Variants in EEFSEC observed in about 807,000 individuals in gnomAD.
EEFSEC encodes the protein eukaryotic elongation factor, selenocysteine-tRNA specific.
EEFSEC carries 43 observed loss-of-function variants against 42.1 expected under a neutral mutation model. The ratio of observed to expected loss-of-function variants is 1.02; its 90% CI spans 0.80 to 1.32. The LOEUF (loss-of-function observed/expected upper bound fraction) is 1.32, where lower values mean the gene tolerates loss of function less well. Ranked by LOEUF, EEFSEC falls within the 40% of genes most tolerant of loss-of-function variation. EEFSEC has a pLI of 0.00. For synonymous variants in EEFSEC, 354 were observed against 339.1 expected (o/e 1.04, Z -0.48); for missense variants, 745 against 803.6 (o/e 0.93, Z 0.88).
intron 4 of EEFSEC, among the ~76,000 whole-genome samples, chr3:128,308,317 G>A (rs1014720078): frequency 1.3e-5 from 2 of 152,258 alleles, no homozygotes; most frequent in Admixed American, 1.3e-4. Context: ...CTTGGTGCCA[G>A]CTTAGTGTGT....
chr3:128,169,246 G>C (rs2065270563), intron 1 of EEFSEC, among the ~76,000 whole-genome samples: 1 of 152,204 alleles, frequency 6.6e-6, no homozygotes, highest in African/African-American at 2.4e-5. Context: ...CCCGTCCCTG[G>C]AATGTTGGGA....
intron 4 of EEFSEC, among the ~76,000 whole-genome samples, chr3:128,323,976 C>G (rs1576637472): frequency 6.6e-6 from 1 of 152,126 alleles, no homozygotes; most frequent in East Asian, 1.9e-4. Flanking sequence ...AGAAACCAGA[C>G]CGTTGAAGGG....
At chr3:128,261,433 A>G (rs1274205950) in intron 2 of EEFSEC, among the ~76,000 whole-genome samples, 3 of 152,166 alleles carry the variant, frequency 2.0e-5, no homozygotes, top group Admixed American at 6.5e-5. Flanking sequence ...ATGAAATCGT[A>G]TACATACTAT....
intron 6 of EEFSEC, among the ~76,000 whole-genome samples, chr3:128,372,922 C>T (rs2067670673): frequency 6.6e-6 from 1 of 152,242 alleles, no homozygotes; most frequent in Admixed American, 6.5e-5. Flanking sequence ...GCCACTGCTG[C>T]TGTAGATGTC....
intron 1 of EEFSEC, among the ~76,000 whole-genome samples, chr3:128,171,391 C>CCTA (rs2065295100): frequency 6.6e-6 from 1 of 151,828 alleles, no homozygotes; most frequent in Admixed American, 6.6e-5. Context: ...CAGGCTTGTA[C>CCTA]CTACAATGGC....
the EEFSEC span, among the ~76,000 whole-genome samples, chr3:128,425,428 A>C: frequency 1.3e-5 from 2 of 152,022 alleles, no homozygotes; most frequent in African/African-American, 4.8e-5. Flanking sequence ...GGCTGCTTCC[A>C]GTTTGGGGTG....
At chr3:128,352,572 G>A (rs1176850030) in intron 5 of EEFSEC, among the ~76,000 whole-genome samples, 1 of 152,222 alleles carries the variant, frequency 6.6e-6, no homozygotes, top group Non-Finnish European at 1.5e-5. Flanking sequence ...GTCTCTTAGA[G>A]GGGGCCTTCC....
chr3:128,390,600 G>A (rs925564714), intron 6 of EEFSEC, among the ~76,000 whole-genome samples: 5 of 152,216 alleles, frequency 3.3e-5, no homozygotes, highest in Admixed American at 1.3e-4. Flanking sequence ...AGTGGGCCCT[G>A]CAGGCCTGGG....
At chr3:128,404,265 C>T (rs776414579) in intron 6 of EEFSEC, among the ~76,000 whole-genome samples, 3 of 152,220 alleles carry the variant, frequency 2.0e-5, no homozygotes, top group East Asian at 1.9e-4. Flanking sequence ...TGTGGCTTCC[C>T]GGCCAGTCCA....
intron 1 of EEFSEC, among the ~76,000 whole-genome samples, chr3:128,202,607 T>C (rs2065654539): frequency 6.6e-6 from 1 of 152,228 alleles, no homozygotes; most frequent in Non-Finnish European, 1.5e-5. Flanking sequence ...GTTTTACTTC[T>C]TTGTTTCTAC....
chr3:128,155,101 G>GT (rs1944352951), intron 1 of EEFSEC, among the ~76,000 whole-genome samples: 1 of 151,862 alleles, frequency 6.6e-6, no homozygotes, highest in African/African-American at 2.4e-5. Context: ...GAAAAGACCC[G>GT]TTTTTTGTTT....
At chr3:128,191,501 T>A (rs1037110952) in intron 1 of EEFSEC, among the ~76,000 whole-genome samples, 1 of 152,166 alleles carries the variant, frequency 6.6e-6, no homozygotes, top group South Asian at 2.1e-4. Flanking sequence ...TTCCCATTTT[T>A]AAATGTACAA....
intron 1 of EEFSEC, among the ~76,000 whole-genome samples, chr3:128,195,773 G>A (rs573700437): frequency 5.8e-4 from 89 of 152,304 alleles, no homozygotes; most frequent in Non-Finnish European, 3.7e-4. Flanking sequence ...TAGAGACAAG[G>A]GATTTGTCCC....
At position 128,153,573 on chromosome 3, in the gene EEFSEC, G is replaced by T. The variant is rs1576499628; in HGVS notation, c.66G>T (p.Ala22=). Reference sequence around the variant, plus strand: ...GCCACATCGACAGCGGCAAGACGGCGCTGGCGCGGGCGCTAAGCACCACAG... The same window carrying T: ...GCCACATCGACAGCGGCAAGACGGCTCTGGCGCGGGCGCTAAGCACCACAG... ...VLGHIDSGKT[A]LARALSTTAS... The change falls in exon 1 of 7, where the codon GCG becomes GCT. Residue 22 remains alanine (A), a synonymous_variant. Coordinates refer to ENST00000254730, the MANE Select transcript of EEFSEC (RefSeq NM_021937.5). 1.9e-6 allele frequency: 3 copies of T among 1,548,324 alleles called. No individual in the cohort carries two copies. The highest frequency in any genetic ancestry group is 1.7e-6 in the Non-Finnish European group (2 of 1,154,508).
intron 4 of EEFSEC, among the ~76,000 whole-genome samples, chr3:128,287,557 GT>G (rs1191788971): frequency 6.6e-6 from 1 of 152,218 alleles, no homozygotes; most frequent in Non-Finnish European, 1.5e-5. Flanking sequence ...GAATGAGGTG[GT>G]GATGTGATGA....
At chr3:128,360,959 A>T (rs1239317167) in intron 6 of EEFSEC, among the ~76,000 whole-genome samples, 1 of 150,900 alleles carries the variant, frequency 6.6e-6, no homozygotes, top group Non-Finnish European at 1.5e-5. Flanking sequence ...AAGTGCCTTA[A>T]TTGTGAAAGA....
At position 128,319,281 on chromosome 3, in the gene EEFSEC, G is replaced by C. The variant is rs142671137; in HGVS notation, c.787-21952G>C. On this transcript the variant is annotated intron_variant, in intron 4 of 6. Transcript: ENST00000254730. ...CTGCCTGCTGCCTCACCAGGGGACA[G>C]CAGGCTTCAGAGGCTCTCCTGTAAT... Among the ~76,000 whole-genome samples, 387 of 152,316 alleles carry C rather than the reference G, an allele frequency of 2.5e-3. 3 individuals carry two copies. The highest frequency in any genetic ancestry group is 8.9e-3 in the African/African-American group (369 of 41,572).
chr3:128,160,282 TTTTC>T (rs1343859758), intron 1 of EEFSEC, among the ~76,000 whole-genome samples: 1 of 152,206 alleles, frequency 6.6e-6, no homozygotes, highest in African/African-American at 2.4e-5. Flanking sequence ...GTAACTCACT[TTTTC>T]TTTCCTAGGC....
intron 1 of EEFSEC, among the ~76,000 whole-genome samples, chr3:128,173,346 G>A (rs1012828771): frequency 3.9e-5 from 6 of 152,162 alleles, no homozygotes; most frequent in Non-Finnish European, 7.3e-5. Context: ...GCTGGCAAGC[G>A]GGGAATGGGA....
Sources: allele counts gnomAD v4.1 joint callset (sites outside exome capture counted in the v4.1 genomes callset), GRCh38; gene constraint gnomAD v4.1.1; transcripts MANE v1.5; gene names NCBI Gene and HGNC (gene_info 2026-07-23, HGNC 2026-07-21).